Variants in KCNQ5 observed in about 807,000 individuals in gnomAD.
KCNQ5 encodes the protein potassium voltage-gated channel subfamily KQT member 5.
KCNQ5 carries 30 observed loss-of-function variants against 98.2 expected under a neutral mutation model. The observed-to-expected ratio is 0.31, with a 90% CI of 0.23 to 0.41. The LOEUF (loss-of-function observed/expected upper bound fraction) is 0.41, where lower values mean the gene tolerates loss of function less well. Ranked by LOEUF, KCNQ5 falls within the 10% of genes least tolerant of loss-of-function variation. The probability of loss-of-function intolerance (pLI) is 1.00; values close to 1 mark genes in which losing one functional copy is unlikely to be tolerated. For synonymous variants in KCNQ5, 458 were observed against 449.4 expected (o/e 1.02, Z -0.24); for missense variants, 835 against 1,182.5 (o/e 0.71, Z 4.31).
intron 1 of KCNQ5, among the ~76,000 whole-genome samples, chr6:72,705,492 G>A (rs1354288577): frequency 1.3e-5 from 2 of 152,016 alleles, no homozygotes; most frequent in Non-Finnish European, 2.9e-5. Flanking sequence ...TTAAGTAGGT[G>A]CAGATTGACA....
At chr6:73,080,912 A>G (rs1389500145) in intron 5 of KCNQ5, among the ~76,000 whole-genome samples, 2 of 152,206 alleles carry the variant, frequency 1.3e-5, no homozygotes, top group African/African-American at 2.4e-5. Context: ...TGGTGGGATC[A>G]GTGCTGCCCA....
At chr6:72,753,920 C>T (rs1414780833) in intron 1 of KCNQ5, among the ~76,000 whole-genome samples, 4 of 152,034 alleles carry the variant, frequency 2.6e-5, no homozygotes, top group Non-Finnish European at 5.9e-5. Context: ...ACTTTTTAAA[C>T]TTGTGTAGAT....
At chr6:72,645,063 G>A (rs187874322) in intron 1 of KCNQ5, among the ~76,000 whole-genome samples, 1 of 151,894 alleles carries the variant, frequency 6.6e-6, no homozygotes, top group Admixed American at 6.6e-5. Context: ...GGTACCTTTT[G>A]TCTGTCAAAT....
chr6:72,916,691 T>G (rs1780156918), intron 1 of KCNQ5, among the ~76,000 whole-genome samples: 1 of 152,202 alleles, frequency 6.6e-6, no homozygotes, highest in South Asian at 2.1e-4. Flanking sequence ...CTTTCATATC[T>G]CATTGTTAAG....
intron 3 of KCNQ5, among the ~76,000 whole-genome samples, chr6:73,067,905 T>TATAAAA (rs1434085616): frequency 6.4e-5 from 1 of 15,626 alleles, no homozygotes; most frequent in African/African-American, 2.3e-4. Context: ...TATATATATA[T>TATAAAA]AACTAAAATT....
chr6:72,725,817 A>G lies in KCNQ5; in HGVS notation c.398+103230A>G, dbSNP rs1199173333. Among the ~76,000 whole-genome samples the G allele has an allele frequency of 1.3e-5, 2 of 152,200 alleles. 1 individual carries two copies. The highest frequency in any genetic ancestry group is 3.8e-4 in the East Asian group (2 of 5,200). On this transcript the variant is annotated intron_variant, in intron 1 of 13. Coordinates refer to ENST00000370398, the MANE Select transcript of KCNQ5 (RefSeq NM_019842.4). ...TATAATTATTACTTGTCAATTAAAC[A>G]TTTTTAAAATGATTGTGTTTAATCA... is the stretch of plus-strand genomic sequence containing the variant.
chr6:72,724,020 T>A (rs984642220), intron 1 of KCNQ5, among the ~76,000 whole-genome samples: 1 of 152,202 alleles, frequency 6.6e-6, no homozygotes, highest in Non-Finnish European at 1.5e-5. Context: ...TTTGACACGC[T>A]TTCTTATTTA....
chr6:72,966,033 T>A lies in KCNQ5; in HGVS notation c.399-37875T>A, dbSNP rs555738330. ...GCAGAAGGGGAGGTGCTGCCTCCAG[T>A]CGAGTTAGAGCACTTCCCACCATCC... is the stretch of plus-strand genomic sequence containing the variant. On this transcript the variant is annotated intron_variant, in intron 1 of 13. Coordinates refer to ENST00000370398, the MANE Select transcript of KCNQ5 (RefSeq NM_019842.4). Among the ~76,000 whole-genome samples the A allele has an allele frequency of 3.3e-5, 5 of 152,266 alleles. No individual in the cohort carries two copies. In the South Asian group the frequency reaches 1.0e-3, roughly 32 times the overall value.
At chr6:73,123,225 G>T (rs1398690853) in intron 8 of KCNQ5, among the ~76,000 whole-genome samples, 1 of 152,034 alleles carries the variant, frequency 6.6e-6, no homozygotes, top group Non-Finnish European at 1.5e-5. Flanking sequence ...TATGTTAGAT[G>T]GCATTAAGTG....
intron 1 of KCNQ5, among the ~76,000 whole-genome samples, chr6:72,821,608 T>C (rs1040762963): frequency 6.6e-6 from 1 of 151,968 alleles, no homozygotes. Context: ...AGTTTCAAGA[T>C]TTTTTGTTTG....
Position 73,138,278 on chromosome 6 carries a change from G to A in KCNQ5, c.1468+4637G>A, listed in dbSNP as rs556050656. On this transcript the variant is annotated intron_variant, in intron 10 of 13. Transcript: ENST00000370398. ...AAGTGGAAGGTGGCAGATTGCAAGC[G>A]AGAAATGGAGCAAGCAGCCAAAATC... Among the ~76,000 whole-genome samples the A allele has an allele frequency of 5.9e-5, 9 of 152,312 alleles. 1 individual carries two copies. In the South Asian group the frequency reaches 1.7e-3, roughly 28 times the overall value.
chr6:73,083,183 T>C (rs1773850436), intron 5 of KCNQ5, among the ~76,000 whole-genome samples: 1 of 152,208 alleles, frequency 6.6e-6, no homozygotes, highest in African/African-American at 2.4e-5. Flanking sequence ...CGTGAGCCAC[T>C]GTGCCCGTCC....
At chr6:72,698,671 G>A (rs1478599486) in intron 1 of KCNQ5, among the ~76,000 whole-genome samples, 1 of 14,366 alleles carries the variant, frequency 7.0e-5, no homozygotes, top group African/African-American at 1.7e-4. Flanking sequence ...TTTTTTTTTT[G>A]GAGAGATAAG....
chr6:73,158,068 G>C, intron 10 of KCNQ5: 1 of 569,434 alleles, frequency 1.8e-6, no homozygotes, highest in Non-Finnish European at 3.2e-6. Context: ...CTTCCAGGAC[G>C]CCGCCGGAAC....
At chr6:73,133,926 G>A (rs369423043) in intron 10 of KCNQ5, 1 of 548,352 alleles carries the variant, frequency 1.8e-6, no homozygotes, top group Non-Finnish European at 3.6e-6. Flanking sequence ...CTCAGACAAG[G>A]GCCACATTAA....
intron 1 of KCNQ5, among the ~76,000 whole-genome samples, chr6:72,858,288 G>A (rs1777612845): frequency 6.6e-6 from 1 of 152,048 alleles, no homozygotes; most frequent in African/African-American, 2.4e-5. Context: ...GAAAATATAT[G>A]TGTGGCATGT....
intron 1 of KCNQ5, among the ~76,000 whole-genome samples, chr6:72,683,593 TCC>T (rs1476554703): frequency 7.2e-5 from 11 of 152,008 alleles, no homozygotes; most frequent in Non-Finnish European, 1.5e-4. Context: ...GGTCTTGATT[TCC>T]TGAACTCATG....
intron 1 of KCNQ5, chr6:72,630,358 A>G (rs1257133259): frequency 3.9e-5 from 6 of 152,160 alleles, no homozygotes; most frequent in Non-Finnish European, 8.8e-5. Context: ...TAGAATCCCT[A>G]TTCCTTCTTC....
chr6:72,966,884 T>G (rs1207555499), intron 1 of KCNQ5, among the ~76,000 whole-genome samples: 1 of 152,198 alleles, frequency 6.6e-6, no homozygotes, highest in Non-Finnish European at 1.5e-5. Context: ...TCAATAAAAG[T>G]TACCCAATTA....
Sources: allele counts gnomAD v4.1 joint callset (sites outside exome capture counted in the v4.1 genomes callset), GRCh38; gene constraint gnomAD v4.1.1; transcripts MANE v1.5; gene names NCBI Gene and HGNC (gene_info 2026-07-23, HGNC 2026-07-21).